The following SLC12A8 variants were observed in gnomAD, a reference collection of about 807,000 sequenced individuals.
SLC12A8 encodes the protein solute carrier family 12 member 8.
A neutral mutation model predicts 75.6 loss-of-function variants in SLC12A8; 69 were observed. The ratio of observed to expected loss-of-function variants is 0.91; its 90% CI spans 0.75 to 1.11. The LOEUF is 1.11. Among genes scored for constraint, SLC12A8 ranks in the 50% most tolerant of loss-of-function variants. The pLI, the probability that SLC12A8 is intolerant of heterozygous loss-of-function variation, is 0.00. For synonymous variants in SLC12A8, 365 were observed against 372.8 expected (o/e 0.98, Z 0.24); for missense variants, 877 against 896.7 (o/e 0.98, Z 0.28).
chr3:125,083,735 AAG>A lies in SLC12A8; in HGVS notation c.*153_*154del. 1.3e-6 allele frequency: 1 copy of A among 794,096 alleles called. No homozygotes were observed. The allele number at this position is 794,096 out of a possible 1,614,324, so 49.2% of individuals were successfully genotyped here. ...AGACTCTGTCTCAAAAAAAAAAAAAAAGGGAAAAGAAAATGTAGATTTCCATT... is the reference window on the plus strand; with the variant it reads ...AGACTCTGTCTCAAAAAAAAAAAAAAGGAAAAGAAAATGTAGATTTCCATT... On this transcript the variant is annotated 3_prime_UTR_variant, in exon 14 of 14. Transcript: ENST00000469902.
chr3:125,123,373 A>G (rs997739887), intron 6 of SLC12A8, among the ~76,000 whole-genome samples: 1,232 of 7,534 alleles, frequency 0.16, 18 homozygotes, highest in African/African-American at 0.38. Context: ...CATCTCAGGA[A>G]AAAAAAAAAA....
rs114240767 is a variant in SLC12A8 at position 125,140,017 on chromosome 3, G to A, written c.623-4235C>T. Among the ~76,000 whole-genome samples, 839 of 152,328 alleles carry A rather than the reference G, an allele frequency of 5.5e-3. 5 individuals are homozygous for A. The highest frequency in any genetic ancestry group is 0.032 in the South Asian group (153 of 4,828). On this transcript the variant is annotated intron_variant, in intron 5 of 13. Coordinates refer to ENST00000469902, the MANE Select transcript of SLC12A8 (RefSeq NM_024628.6). ...GCACGTGAGATTGTCCCGCCAGGAGGCACCTACAACTTCCCAAGGCCTGAC... is the reference window on the plus strand; with the variant it reads ...GCACGTGAGATTGTCCCGCCAGGAGACACCTACAACTTCCCAAGGCCTGAC...
At chr3:125,175,010 G>T (rs1392972448) in intron 5 of SLC12A8, among the ~76,000 whole-genome samples, 6 of 152,084 alleles carry the variant, frequency 3.9e-5, no homozygotes, top group African/African-American at 1.4e-4. Flanking sequence ...CATTAACACA[G>T]GATATTAATA....
chr3:125,181,329 C>T (rs148599558), intron 4 of SLC12A8, among the ~76,000 whole-genome samples: 3,017 of 152,008 alleles, frequency 0.02, 96 homozygotes, highest in African/African-American at 0.068. Flanking sequence ...AGGCCAGGCG[C>T]GGTGGCTCAC....
chr3:125,208,459 C>G (rs1327269460), intron 2 of SLC12A8, among the ~76,000 whole-genome samples: 1 of 152,234 alleles, frequency 6.6e-6, no homozygotes, highest in African/African-American at 2.4e-5. Context: ...AATTATTAGC[C>G]ATTTATATAA....
chr3:125,136,561 C>T (rs895585338), intron 5 of SLC12A8, among the ~76,000 whole-genome samples: 2 of 152,202 alleles, frequency 1.3e-5, no homozygotes, highest in Non-Finnish European at 2.9e-5. Context: ...CCCCCAGAGC[C>T]AAGCACTGCA....
chr3:125,100,386 A>G (rs1484357150), intron 10 of SLC12A8, among the ~76,000 whole-genome samples: 2 of 151,944 alleles, frequency 1.3e-5, no homozygotes, highest in African/African-American at 4.8e-5. Context: ...ATAGCTTAAT[A>G]GATATGCAAT....
At position 125,211,411 on chromosome 3, in the gene SLC12A8, T is replaced by A. The variant is rs1164077855; in HGVS notation, c.-45-17A>T. 1 of 1,410,714 alleles carries A rather than the reference T, an allele frequency of 7.1e-7. No homozygotes were observed. The highest frequency in any genetic ancestry group is 1.0e-6 in the Non-Finnish European group (1 of 995,476). The allele number at this position is 1,410,714 out of a possible 1,614,324, so 87.4% of individuals were successfully genotyped here. A position where few individuals can be genotyped will look rare whatever the true frequency, so the allele number is the denominator to read the frequency against. On this transcript the variant is annotated splice_polypyrimidine_tract_variant and intron_variant, in intron 1 of 13. Transcript: ENST00000469902. ...GAGACTGCTCTGGAAGGTAACAGCA[T>A]CCTTGGTCAGGCTGGCTTCTCCTCT...
At position 125,108,071 on chromosome 3, in the gene SLC12A8, A is replaced by G; in HGVS notation, c.1115T>C (p.Met372Thr). The stretch of plus-strand genomic sequence containing the variant: ...CACTTGACCCACAAAAACAAAGGCC[A>G]TGGTCACCAAGCTGGTCAGGCAGAT... Reference protein sequence around the residue: ...AAICLTSLVTMAFVFVGQVNV... With the variant: ...AAICLTSLVTTAFVFVGQVNV... The change falls in exon 10 of 14, where the codon ATG becomes ACG. Residue 372 changes from methionine to threonine, a missense_variant. Met to Thr is a moderately conservative substitution (Grantham distance 81). Transcript: ENST00000469902. 1.9e-6 allele frequency: 3 copies of G among 1,614,212 alleles called. No individual in the cohort carries two copies. Among genetic ancestry groups the G allele is most frequent in the Non-Finnish European group, 1.7e-6 (2 of 1,180,042 alleles).
chr3:125,130,238 C>A (rs935312986), intron 6 of SLC12A8, among the ~76,000 whole-genome samples: 11 of 152,186 alleles, frequency 7.2e-5, no homozygotes, highest in Non-Finnish European at 1.0e-4. Context: ...CAACGACACT[C>A]CATCTCTGAG....
intron 5 of SLC12A8, among the ~76,000 whole-genome samples, chr3:125,177,125 C>A (rs559986930): frequency 3.3e-5 from 5 of 151,966 alleles, no homozygotes; most frequent in African/African-American, 1.2e-4. Flanking sequence ...CACATATACA[C>A]CATGAAATAC....
In SLC12A8 at chr3:125,134,888, C is replaced by G. The variant is rs192750695; in HGVS notation, c.736+781G>C. Among the ~76,000 whole-genome samples the G allele has an allele frequency of 1.1e-4, 16 of 152,358 alleles. 1 individual carries two copies. In the East Asian group the frequency reaches 2.9e-3, roughly 28 times the overall value. On this transcript the variant is annotated intron_variant, in intron 6 of 13. Transcript: ENST00000469902. ...GACAAGACAGATATCCTCTGGCCAT[C>G]AATACTCTCTTGATCAAGAGTGAAA...
At chr3:125,188,951 A>T (rs1308358602) in intron 3 of SLC12A8, among the ~76,000 whole-genome samples, 2 of 152,204 alleles carry the variant, frequency 1.3e-5, no homozygotes, top group Non-Finnish European at 1.5e-5. Flanking sequence ...TGTACATCCC[A>T]CTATAAAGGA....
At position 125,091,482 on chromosome 3, in the gene SLC12A8, G is replaced by T. The variant is rs748338760; in HGVS notation, c.1878C>A (p.Ile626=). ...YTLVNMGVAA[I]VYFYIGRASP... is the part of the protein sequence containing the mutation. ...TGGCCCGGCCAATGTAGAAATACAC[G>T]ATGGCAGCAACACCCATGTTAACCA... Residue 626 remains isoleucine (I), a synonymous_variant, in exon 12 of 14, where the codon ATC becomes ATA. Coordinates refer to ENST00000469902, the MANE Select transcript of SLC12A8 (RefSeq NM_024628.6). The T allele has an allele frequency of 9.3e-6, 15 of 1,613,738 alleles. No homozygotes were observed. The South Asian group carries it at 1.6e-4, about 18-fold the overall frequency.
At chr3:125,112,685 G>T (rs946244) in intron 8 of SLC12A8, among the ~76,000 whole-genome samples, 1 of 152,008 alleles carries the variant, frequency 6.6e-6, no homozygotes, top group Non-Finnish European at 1.5e-5. Flanking sequence ...CTTTATTTCC[G>T]TCTTCTCTAC....
chr3:125,140,521 G>A (rs1449811041), intron 5 of SLC12A8, among the ~76,000 whole-genome samples: 1 of 152,012 alleles, frequency 6.6e-6, no homozygotes, highest in East Asian at 1.9e-4. Context: ...TTTGTGTAGG[G>A]CAGACAGGAG....
chr3:125,108,067 G>C lies in SLC12A8; in HGVS notation c.1119C>G (p.Ala373=), dbSNP rs1939083934. Residue 373 remains alanine (A), a synonymous_variant, in exon 10 of 14, where the codon GCC becomes GCG. Transcript: ENST00000469902. ...AICLTSLVTM[A]FVFVGQVNVL... ...CGTTCACTTGACCCACAAAAACAAA[G>C]GCCATGGTCACCAAGCTGGTCAGGC... 1 of 1,614,060 alleles carries C rather than the reference G, an allele frequency of 6.2e-7. No homozygotes were observed. The highest frequency in any genetic ancestry group is 8.5e-7 in the Non-Finnish European group (1 of 1,180,040).
chr3:125,163,618 A>G (rs1477415519), intron 5 of SLC12A8, among the ~76,000 whole-genome samples: 1 of 152,076 alleles, frequency 6.6e-6, no homozygotes, highest in Non-Finnish European at 1.5e-5. Flanking sequence ...AAAAATTAAA[A>G]AAAAAGAAAA....
intron 8 of SLC12A8, among the ~76,000 whole-genome samples, chr3:125,116,253 C>G (rs1939309608): frequency 1.3e-5 from 2 of 152,202 alleles, no homozygotes; most frequent in Non-Finnish European, 2.9e-5. Context: ...ACTTGCTGCA[C>G]CTGCCCATTT....
Sources: gnomAD v4.1 joint callset for allele counts (sites outside exome capture counted in the v4.1 genomes callset) on GRCh38, gnomAD v4.1.1 for gene constraint, MANE v1.5 for transcripts, NCBI Gene and HGNC (gene_info 2026-07-23, HGNC 2026-07-21) for gene names.